EIF2AK4: variants seen among roughly 807,000 people sequenced by gnomAD.
The protein encoded by EIF2AK4 is eukaryotic translation initiation factor 2 alpha kinase 4.
A neutral mutation model predicts 211.1 loss-of-function variants in EIF2AK4; 139 were observed. The observed-to-expected ratio is 0.66, with a 90% CI of 0.57 to 0.76. The LOEUF (loss-of-function observed/expected upper bound fraction) is 0.76. EIF2AK4 is among the 30% of genes least tolerant of loss of function. EIF2AK4 has a pLI of 0.00. For missense variants in EIF2AK4, 1,664 were observed against 2,043.8 expected (o/e 0.81, Z 3.58); for synonymous variants, 710 against 751.3 (o/e 0.94, Z 0.90).
chr15:39,973,740 T>G lies in EIF2AK4; in HGVS notation c.1809T>G (p.Ala603=). Residue 603 remains alanine, a synonymous_variant, in exon 11 of 39, where the codon GCT becomes GCG. Coordinates refer to ENST00000263791, the MANE Select transcript of EIF2AK4 (RefSeq NM_001013703.4). ...LQLLGKGAFG[A]VIKVQNKLDG... is the part of the protein sequence containing the mutation. ...TTCTTGGTAAAGGAGCTTTTGGAGC[T>G]GTCATCAAGGTGTGGTACAGAGTCA... is the stretch of plus-strand genomic sequence containing the variant. 1.9e-6 allele frequency: 3 copies of G among 1,614,150 alleles called. No individual in the cohort carries two copies. Among genetic ancestry groups the G allele is most frequent in the Non-Finnish European group, 2.5e-6 (3 of 1,179,980 alleles).
At chr15:39,985,709 C>T (rs1434187362) in intron 13 of EIF2AK4, 96 bp from the exon 14 acceptor site, 2 of 1,099,180 alleles carry the variant, frequency 1.8e-6, no homozygotes, top group African/African-American at 1.5e-5. Context: ...ACTGGGTGGC[C>T]CTGTGTTGGG....
intron 25 of EIF2AK4, 82 bp downstream of exon 25, chr15:40,008,277 C>CTGAGAAGCAGGTCTGTAG: frequency 7.9e-7 from 1 of 1,264,756 alleles, no homozygotes; most frequent in Non-Finnish European, 1.1e-6. Context: ...CAGCTACAGA[C>CTGAGAAGCAGGTCTGTAG]CTGCTTCTCA....
At chr15:39,946,644 A>G in intron 3 of EIF2AK4, 1 of 700,712 alleles carries the variant, frequency 1.4e-6, no homozygotes, top group Non-Finnish European at 2.6e-6. Flanking sequence ...GTGTGACTCA[A>G]AGGCTATCAA....
chr15:39,985,417 G>A (rs770974972), intron 13 of EIF2AK4, among the ~76,000 whole-genome samples: 9 of 152,148 alleles, frequency 5.9e-5, no homozygotes, highest in Admixed American at 3.3e-4. Flanking sequence ...GTTTTAAAAG[G>A]AATGGTACCA....
At chr15:39,955,827 T>C in intron 6 of EIF2AK4, 59 bp downstream of exon 6, 1 of 1,503,506 alleles carries the variant, frequency 6.7e-7, no homozygotes. Context: ...TTTTACTACA[T>C]TGAAGATGTA....
chr15:39,978,006 T>C, intron 12 of EIF2AK4, 72 bp from the exon 13 acceptor site: 1 of 1,110,658 alleles, frequency 9.0e-7, no homozygotes, highest in Non-Finnish European at 1.3e-6. Context: ...CTTTCTAGTA[T>C]TTAAAAATGT....
At chr15:39,963,225 G>C (rs1477041009) in intron 7 of EIF2AK4, among the ~76,000 whole-genome samples, 2 of 152,212 alleles carry the variant, frequency 1.3e-5, no homozygotes, top group Admixed American at 6.5e-5. Context: ...CATTGGTAGT[G>C]GTGGTTGGCT....
chr15:40,018,921 C>G (rs1232498447), intron 29 of EIF2AK4, among the ~76,000 whole-genome samples, 172 bp from the exon 30 acceptor site: 1 of 152,156 alleles, frequency 6.6e-6, no homozygotes, highest in African/African-American at 2.4e-5. Flanking sequence ...AATATTTTTT[C>G]TAAATTTGCA....
Position 39,990,380 on chromosome 15 carries a change from A to C in EIF2AK4, c.2631+3A>C. On this transcript the variant is annotated splice_donor_region_variant and intron_variant, in intron 16 of 38. Coordinates refer to ENST00000263791, the MANE Select transcript of EIF2AK4 (RefSeq NM_001013703.4). ...CGACAGACCATCTAGCCTTTTCTGT[A>C]AGTATTTTAAAAATTAGACTGTACC... 6.2e-7 allele frequency: 1 copy of C among 1,611,950 alleles called. No homozygotes were observed. The highest frequency in any genetic ancestry group is 1.1e-5 in the South Asian group (1 of 90,888).
chr15:39,974,412 T>G (rs1378181454), intron 11 of EIF2AK4: 2 of 152,234 alleles, frequency 1.3e-5, no homozygotes, highest in East Asian at 3.8e-4. Context: ...CTTTCACATA[T>G]GAAGGTAACC....
chr15:40,026,187 G>C lies in EIF2AK4; in HGVS notation c.4502+98G>C, dbSNP rs8028714. The stretch of plus-strand genomic sequence containing the variant: ...AAGTCAATTTGAGCCAGGTGCTGTG[G>C]CTCACACCTGTAATCCCAGCACTTT... On this transcript the variant is annotated intron_variant, in intron 33 of 38. Coordinates refer to ENST00000263791, the MANE Select transcript of EIF2AK4 (RefSeq NM_001013703.4). 5,105 of 1,079,948 alleles carry C rather than the reference G, an allele frequency of 4.7e-3. 153 individuals are homozygous for C. In the African/African-American group the frequency reaches 0.069, roughly 15 times the overall value. The allele number at this position is 1,079,948 out of a possible 1,614,324, so 66.9% of individuals were successfully genotyped here.
chr15:39,968,229 C>T (rs747332306), intron 9 of EIF2AK4, among the ~76,000 whole-genome samples: 6 of 152,198 alleles, frequency 3.9e-5, no homozygotes, highest in Non-Finnish European at 7.3e-5. Flanking sequence ...GGGTCAAAGA[C>T]GAGGCTCCTT....
At chr15:40,001,648 A>AAG (rs1023646580) in intron 21 of EIF2AK4, among the ~76,000 whole-genome samples, 4 of 151,628 alleles carry the variant, frequency 2.6e-5, no homozygotes, top group South Asian at 2.1e-4. Context: ...AAAAAAAAAA[A>AAG]AAAGAAACAG....
chr15:40,006,272 G>A (rs1303527336), intron 23 of EIF2AK4, among the ~76,000 whole-genome samples: 24 of 151,802 alleles, frequency 1.6e-4, no homozygotes, highest in Admixed American at 1.4e-3. Context: ...TGAGGTAGAG[G>A]TAAATAAACA....
At chr15:40,028,079 C>CT (rs35186495) in intron 33 of EIF2AK4, among the ~76,000 whole-genome samples, 49,104 of 143,996 alleles carry the variant, frequency 0.34, 8,203 homozygotes, top group Middle Eastern at 0.38. Flanking sequence ...TTTGCAACTC[C>CT]TTTTTTTTTT....
At chr15:40,023,006 G>A (rs777178105) in intron 32 of EIF2AK4, among the ~76,000 whole-genome samples, 1 of 152,012 alleles carries the variant, frequency 6.6e-6, no homozygotes, top group African/African-American at 2.4e-5. Flanking sequence ...GGATTACAGG[G>A]GTCAGCCACC....
chr15:39,976,008 TAAGTGTAAAAAA>T (rs1429684636), intron 11 of EIF2AK4, among the ~76,000 whole-genome samples: 2 of 152,198 alleles, frequency 1.3e-5, no homozygotes, highest in African/African-American at 4.8e-5. Context: ...TTAGTGACTT[TAAGTGTAAAAAA>T]AAATCAGAGA....
chr15:40,019,940 G>A (rs987668977), intron 30 of EIF2AK4, among the ~76,000 whole-genome samples: 1 of 151,970 alleles, frequency 6.6e-6, no homozygotes, highest in African/African-American at 2.4e-5. Flanking sequence ...CAGGCAGATC[G>A]TTGAGCCCAG....
Position 40,026,057 on chromosome 15 carries a change from G to A in EIF2AK4, c.4470G>A (p.Leu1490=), listed in dbSNP as rs1284699072. The change falls in exon 33 of 39, where the codon CTG becomes CTA. Residue 1490 remains leucine (L), a synonymous_variant. Coordinates refer to ENST00000263791, the MANE Select transcript of EIF2AK4 (RefSeq NM_001013703.4). The part of the protein sequence containing the change: ...TELVDHVLQK[L]RTKVTDERNG... ...TTGTGGACCATGTACTGCAGAAACT[G>A]AGGACTAAAGTCACTGATGAAAGGA... 6.2e-7 allele frequency: 1 copy of A among 1,614,142 alleles called. No individual in the cohort carries two copies. The highest frequency in any genetic ancestry group is 1.1e-5 in the South Asian group (1 of 91,074).
Sources: allele counts gnomAD v4.1 joint callset (sites outside exome capture counted in the v4.1 genomes callset), GRCh38; gene constraint gnomAD v4.1.1; transcripts MANE v1.5; gene names NCBI Gene and HGNC (gene_info 2026-07-23, HGNC 2026-07-21).